FBXO28: variants seen among roughly 807,000 people sequenced by gnomAD.
The protein encoded by FBXO28 is F-box protein 28.
FBXO28 carries 8 observed loss-of-function variants against 38.1 expected under a neutral mutation model. The ratio of observed to expected loss-of-function variants is 0.21; its 90% CI spans 0.12 to 0.38. FBXO28 has a LOEUF of 0.38. Among genes scored for constraint, FBXO28 ranks in the 10% least tolerant of loss-of-function variants. FBXO28 has a pLI of 1.00. For synonymous variants in FBXO28, 168 were observed against 173.8 expected, an observed-to-expected ratio of 0.97 and a Z score of 0.26; for missense variants, 345 against 460.6, an observed-to-expected ratio of 0.75 and a Z score of 2.30.
intron 3 of FBXO28, among the ~76,000 whole-genome samples, chr1:224,136,567 C>G: frequency 7.2e-6 from 1 of 139,752 alleles, no homozygotes. Flanking sequence ...ACTAAAAATA[C>G]AAAAAAAAAA....
At chr1:224,155,876 T>C (rs1657763143) in intron 4 of FBXO28, among the ~76,000 whole-genome samples, 1 of 152,230 alleles carries the variant, frequency 6.6e-6, no homozygotes, top group African/African-American at 2.4e-5. Context: ...AGGTAAGATA[T>C]ACCCAGACTT....
At chr1:224,139,517 G>A (rs1191065904) in intron 3 of FBXO28, among the ~76,000 whole-genome samples, 1 of 151,780 alleles carries the variant, frequency 6.6e-6, no homozygotes, top group Non-Finnish European at 1.5e-5. Flanking sequence ...GCCAAGGCGG[G>A]CAGATCACAA....
chr1:224,128,535 G>A (rs776302813), intron 1 of FBXO28, among the ~76,000 whole-genome samples: 32 of 152,046 alleles, frequency 2.1e-4, no homozygotes, highest in Non-Finnish European at 4.6e-4. Flanking sequence ...TGTGTGTTTC[G>A]TTTAATCCTA....
At chr1:224,136,746 A>G (rs1430904628) in intron 3 of FBXO28, among the ~76,000 whole-genome samples, 1 of 151,122 alleles carries the variant, frequency 6.6e-6, no homozygotes, top group Non-Finnish European at 1.5e-5. Context: ...AAAAAAGTTC[A>G]GAAGTCTTTT....
At chr1:224,139,586 A>G (rs1041288890) in intron 3 of FBXO28, among the ~76,000 whole-genome samples, 1 of 152,146 alleles carries the variant, frequency 6.6e-6, no homozygotes, top group Non-Finnish European at 1.5e-5. Flanking sequence ...TACTAAAAAT[A>G]CAAAAATTAG....
rs1292303285 is a variant in FBXO28 at position 224,114,292 on chromosome 1, C to A, written c.163C>A (p.Pro55Thr). 1 of 1,560,724 alleles carries A rather than the reference C, an allele frequency of 6.4e-7. No homozygotes were observed. The highest frequency in any genetic ancestry group is 1.4e-5 in the African/African-American group (1 of 73,582). Residue 55 changes from proline (P) to threonine (T), a missense_variant, in exon 1 of 5, where the codon CCG (proline) becomes ACG (threonine). Pro to Thr is a conservative substitution (Grantham distance 38). This residue lies in a region of FBXO28 where 104 missense variants were observed against 82.0 expected (regional missense o/e 1.27). Coordinates refer to ENST00000366862, the MANE Select transcript of FBXO28 (RefSeq NM_015176.4). Reference sequence around the variant, plus strand: ...GGCGCTCCCAGCCCCCGCGCTGGCTCCGGACCAGCTGCCTCAAAACAACAC... The same window carrying A: ...GGCGCTCCCAGCCCCCGCGCTGGCTACGGACCAGCTGCCTCAAAACAACAC... ...SQALPAPALA[P>T]DQLPQNNTLV...
chr1:224,125,668 G>A (rs1236842308), intron 1 of FBXO28, among the ~76,000 whole-genome samples: 1 of 147,404 alleles, frequency 6.8e-6, no homozygotes, highest in Non-Finnish European at 1.5e-5. Flanking sequence ...CTGACACGGA[G>A]TCTCGTTCTG....
chr1:224,122,613 C>T (rs185276585), intron 1 of FBXO28, among the ~76,000 whole-genome samples: 1 of 151,980 alleles, frequency 6.6e-6, no homozygotes, highest in Non-Finnish European at 1.5e-5. Flanking sequence ...TACAGCCCCC[C>T]CCAAGCCCCG....
At chr1:224,133,828 AAT>A (rs5781349) in intron 2 of FBXO28, among the ~76,000 whole-genome samples, 144,147 of 148,692 alleles carry the variant, frequency 0.97, 69,914 homozygotes, top group East Asian at 1. Flanking sequence ...ACCTAATTAA[AAT>A]ATATATATAT....
intron 1 of FBXO28, among the ~76,000 whole-genome samples, chr1:224,117,892 C>G (rs1656678553): frequency 6.6e-6 from 1 of 152,142 alleles, no homozygotes; most frequent in Non-Finnish European, 1.5e-5. Flanking sequence ...GCCTGTAATC[C>G]CAGCTACTTG....
chr1:224,142,861 G>T (rs895450129), intron 3 of FBXO28, among the ~76,000 whole-genome samples: 27 of 151,962 alleles, frequency 1.8e-4, no homozygotes, highest in Non-Finnish European at 3.1e-4. Context: ...CACGAGAATC[G>T]CTTCAACCCA....
At chr1:224,130,412 G>A (rs907563055) in intron 1 of FBXO28, 60 bp from the exon 2 acceptor site, 52 of 1,068,612 alleles carry the variant, frequency 4.9e-5, no homozygotes, top group Non-Finnish European at 7.4e-5. Context: ...CATCAGTTAT[G>A]AGTCTCAGTT....
chr1:224,150,512 T>C (rs2102633122), intron 3 of FBXO28, among the ~76,000 whole-genome samples: 1 of 152,326 alleles, frequency 6.6e-6, no homozygotes, highest in Admixed American at 6.5e-5. Flanking sequence ...ATTTCTTGAT[T>C]ATGTATAAAT....
At chr1:224,137,553 C>G (rs939530894) in intron 3 of FBXO28, among the ~76,000 whole-genome samples, 19 of 151,716 alleles carry the variant, frequency 1.3e-4, no homozygotes, top group African/African-American at 3.4e-4. Context: ...AAAAGGAAGA[C>G]AGAAATCCAC....
At chr1:224,142,183 C>T (rs1447592113) in intron 3 of FBXO28, among the ~76,000 whole-genome samples, 7 of 151,328 alleles carry the variant, frequency 4.6e-5, no homozygotes, top group Admixed American at 4.6e-4. Context: ...AAAACCCAGT[C>T]TCTGCTAAAA....
intron 3 of FBXO28, among the ~76,000 whole-genome samples, chr1:224,147,720 A>C (rs12122004): frequency 0.056 from 8,453 of 152,032 alleles, 254 homozygotes; most frequent in Middle Eastern, 0.075. Context: ...TATCATTTGA[A>C]AGGTGTAGAA....
Position 224,160,480 on chromosome 1 carries a change from C to T in FBXO28, c.*2734C>T, listed in dbSNP as rs1657880195. 6.6e-6 allele frequency: 1 copy of T among 152,104 alleles called. No individual in the cohort carries two copies. The highest frequency in any genetic ancestry group is 6.6e-5 in the Admixed American group (1 of 15,256). The allele number at this position is 152,104 out of a possible 1,614,324, so 9.4% of individuals were successfully genotyped here. On this transcript the variant is annotated 3_prime_UTR_variant, in exon 5 of 5. Coordinates refer to ENST00000366862, the MANE Select transcript of FBXO28 (RefSeq NM_015176.4). ...ATGGATAGCAATGTGAAAAGGCATG[C>T]CTAAGAGACAGAAACGGCTGACCTT...
At chr1:224,145,004 G>A (rs1046891425) in intron 3 of FBXO28, among the ~76,000 whole-genome samples, 1 of 151,518 alleles carries the variant, frequency 6.6e-6, no homozygotes, top group African/African-American at 2.4e-5. Context: ...TTTAGGGGCC[G>A]GGCGCGGTGG....
At chr1:224,136,239 T>G (rs1038334055) in intron 3 of FBXO28, among the ~76,000 whole-genome samples, 1 of 151,676 alleles carries the variant, frequency 6.6e-6, no homozygotes, top group Non-Finnish European at 1.5e-5. Flanking sequence ...GTGTTCCCTT[T>G]TTTGTACTTC....
Sources: allele counts gnomAD v4.1 joint callset (sites outside exome capture counted in the v4.1 genomes callset), GRCh38; gene constraint gnomAD v4.1.1; regional missense constraint gnomAD v4.1.1; transcripts MANE v1.5; gene names NCBI Gene and HGNC (gene_info 2026-07-23, HGNC 2026-07-21).